The following CRHR2 variants were observed in gnomAD, a reference collection of about 807,000 sequenced individuals.
CRHR2 encodes corticotropin releasing hormone receptor 2, also known as corticotropin-releasing hormone receptor 2.
Under a neutral mutation model 57.9 loss-of-function variants are expected in CRHR2, and 53 were observed. The ratio of observed to expected loss-of-function variants is 0.92; its 90% confidence interval spans 0.73 to 1.15. The LOEUF (loss-of-function observed/expected upper bound fraction) is 1.15, where lower values mean the gene tolerates loss of function less well. CRHR2 is among the 50% of genes most tolerant of loss of function. The probability of loss-of-function intolerance (pLI) is 0.00; values close to 1 mark genes in which losing one functional copy is unlikely to be tolerated. For synonymous variants in CRHR2, 213 were observed against 220.9 expected, an observed-to-expected ratio of 0.96 and a Z score of 0.32; for missense variants, 532 against 542.6, an observed-to-expected ratio of 0.98 and a Z score of 0.19.
chr7:30,674,428 A>T (rs548571146), intron 2 of CRHR2, among the ~76,000 whole-genome samples: 1 of 152,216 alleles, frequency 6.6e-6, no homozygotes, highest in Non-Finnish European at 1.5e-5. Context: ...CCTGTGGCAG[A>T]AGCTGCCTTG....
At chr7:30,690,916 G>A (rs1204431813) in intron 1 of CRHR2, among the ~76,000 whole-genome samples, 2 of 152,304 alleles carry the variant, frequency 1.3e-5, no homozygotes, top group South Asian at 2.1e-4. Flanking sequence ...CGGCACTGTG[G>A]GGGCCTCCTG....
intron 9 of CRHR2, 97 bp from the exon 10 acceptor site, chr7:30,655,812 C>T (rs2128139388): frequency 6.3e-7 from 1 of 1,589,302 alleles, no homozygotes; most frequent in Middle Eastern, 1.8e-4. Context: ...CTTCCGGGAG[C>T]TTGAGCGAGC....
In CRHR2 at chr7:30,682,062, G is replaced by A. The variant is rs779224487; in HGVS notation, c.104-22C>T. 6 of 1,566,930 alleles carry A rather than the reference G, an allele frequency of 3.8e-6. No homozygotes were observed. In the South Asian group the frequency reaches 5.8e-5, roughly 15 times the overall value. On this transcript the variant is annotated intron_variant, in intron 1 of 11. Coordinates refer to ENST00000471646, the MANE Select transcript of CRHR2 (RefSeq NM_001883.5). ...GGACCTGGCGGCGGGAGAGAGCGCAGTAGGGCTCAGAGGGGCCCGCAGGGA... is the reference window on the plus strand; with the variant it reads ...GGACCTGGCGGCGGGAGAGAGCGCAATAGGGCTCAGAGGGGCCCGCAGGGA...
At chr7:30,692,353 C>T (rs10271509) in intron 1 of CRHR2, among the ~76,000 whole-genome samples, 65,229 of 151,998 alleles carry the variant, frequency 0.43, 16,385 homozygotes, top group African/African-American at 0.68. Flanking sequence ...TGTGGGACTC[C>T]GTTTGCCCTC....
In CRHR2 at chr7:30,662,236, G is replaced by T; in HGVS notation, c.698-20C>A. The T allele has an allele frequency of 1.2e-6, 2 of 1,613,932 alleles. No homozygotes were observed. The highest frequency in any genetic ancestry group is 1.7e-6 in the Non-Finnish European group (2 of 1,179,820). On this transcript the variant is annotated intron_variant, in intron 6 of 11. Transcript: ENST00000471646. ...GGATGCCTGAAAGAAGGAAAGACTT[G>T]GGCTGCAGGGGACAGATGGACAGGG...
chr7:30,693,151 T>C (rs1352776349), intron 1 of CRHR2, among the ~76,000 whole-genome samples: 1 of 152,088 alleles, frequency 6.6e-6, no homozygotes, highest in Non-Finnish European at 1.5e-5. Flanking sequence ...GAATTATAAA[T>C]ATTAGGTCTT....
intron 11 of CRHR2, among the ~76,000 whole-genome samples, chr7:30,654,537 C>T (rs866111200): frequency 2.0e-4 from 30 of 152,356 alleles, no homozygotes; most frequent in African/African-American, 6.7e-4. Context: ...TTCTTCCCTG[C>T]GTCAGCTGCA....
At chr7:30,697,265 G>A (rs1052970468) in intron 1 of CRHR2, among the ~76,000 whole-genome samples, 7 of 152,144 alleles carry the variant, frequency 4.6e-5, no homozygotes, top group African/African-American at 1.7e-4. Flanking sequence ...TGGGGCAAGA[G>A]GTCACAGAGG....
At chr7:30,687,102 G>T (rs1414165992), upstream of CRHR2, among the ~76,000 whole-genome samples, 4 of 151,894 alleles carry the variant, frequency 2.6e-5, no homozygotes, top group Non-Finnish European at 5.9e-5. Context: ...TTTTCTCACA[G>T]GTATGTACAT....
At chr7:30,690,583 T>C (rs559528823) in intron 1 of CRHR2, among the ~76,000 whole-genome samples, 1 of 152,116 alleles carries the variant, frequency 6.6e-6, no homozygotes, top group African/African-American at 2.4e-5. Context: ...GCTGGGTCAA[T>C]GTTTGCCCCA....
chr7:30,682,076 G>A (rs746909970), intron 1 of CRHR2, 36 bp from the exon 2 acceptor site: 1 of 1,552,746 alleles, frequency 6.4e-7, no homozygotes, highest in East Asian at 2.4e-5. Context: ...GGCTCAGAGG[G>A]GCCCGCAGGG....
At position 30,665,219 on chromosome 7, in the gene CRHR2, G is replaced by T. The variant is rs1358549494; in HGVS notation, c.426-32C>A. ...GAGGTGCAGGTCAGGGGTCAGCCAG[G>T]TTCAGGGGTCAACTGGGACTGGGTT... On this transcript the variant is annotated intron_variant, in intron 4 of 11. Transcript: ENST00000471646. The surrounding 1 kb of genome is among the most constrained non-coding windows in gnomAD (Gnocchi z 4.5). The T allele has an allele frequency of 6.3e-7, 1 of 1,583,844 alleles. No individual in the cohort carries two copies. The highest frequency in any genetic ancestry group is 1.1e-5 in the South Asian group (1 of 90,402).
At chr7:30,678,049 G>A (rs1784573934) in intron 2 of CRHR2, among the ~76,000 whole-genome samples, 1 of 151,010 alleles carries the variant, frequency 6.6e-6, no homozygotes, top group South Asian at 2.1e-4. Flanking sequence ...GGCCAGGGCT[G>A]GTGGTGTTGG....
chr7:30,689,671 G>A (rs1584140139), intron 1 of CRHR2, among the ~76,000 whole-genome samples: 1 of 152,344 alleles, frequency 6.6e-6, no homozygotes, highest in Non-Finnish European at 1.5e-5. Flanking sequence ...AACACCTACT[G>A]TGTGTCAGGC....
intron 1 of CRHR2, among the ~76,000 whole-genome samples, chr7:30,690,096 A>AT (rs1237631051): frequency 6.6e-6 from 1 of 152,182 alleles, no homozygotes; most frequent in East Asian, 1.9e-4. Flanking sequence ...GATAAAGTAG[A>AT]TGTGGGCATG....
chr7:30,653,425 G>GGA lies in CRHR2; in HGVS notation c.*33_*34dup. On this transcript the variant is annotated 3_prime_UTR_variant, in exon 12 of 12. Transcript: ENST00000471646. The surrounding 1 kb of genome is among the most constrained non-coding windows in gnomAD (Gnocchi z 5.0). ...GAACCCAGAGGAAGAAGGTGGAGGA[G>GGA]GACAGGGGAGCTGTGCAGGTGGGCG... 6.2e-7 allele frequency: 1 copy of GGA among 1,607,130 alleles called. No individual in the cohort carries two copies. Among genetic ancestry groups the GGA allele is most frequent in the Non-Finnish European group, 8.5e-7 (1 of 1,176,736 alleles).
intron 3 of CRHR2, among the ~76,000 whole-genome samples, chr7:30,666,046 C>T (rs1457604908): frequency 6.6e-6 from 1 of 152,066 alleles, no homozygotes; most frequent in African/African-American, 2.4e-5. Flanking sequence ...TTTTTGGGGG[C>T]ACATTTTGAG....
intron 2 of CRHR2, 98 bp downstream of exon 2, chr7:30,681,817 G>C: frequency 6.9e-7 from 1 of 1,456,502 alleles, no homozygotes; most frequent in Non-Finnish European, 9.0e-7. Flanking sequence ...GCGGCCGTCA[G>C]CAGCTTTGTA....
intron 1 of CRHR2, among the ~76,000 whole-genome samples, chr7:30,693,782 G>A (rs1785003132): frequency 1.3e-5 from 2 of 152,218 alleles, no homozygotes; most frequent in South Asian, 4.1e-4. Context: ...GAATTGAATT[G>A]AATTGGAGGA....
Sources: gnomAD v4.1 joint callset for allele counts (sites outside exome capture counted in the v4.1 genomes callset) on GRCh38, gnomAD v4.1.1 for gene constraint, Gnocchi (gnomAD v3.1) non-coding constraint, MANE v1.5 for transcripts, NCBI Gene and HGNC (gene_info 2026-07-23, HGNC 2026-07-21) for gene names.